BMPR1A: variants seen among roughly 807,000 people sequenced by gnomAD.
BMPR1A encodes the protein bone morphogenetic protein receptor type-1A.
A neutral mutation model predicts 66.0 loss-of-function variants in BMPR1A; 7 were observed. The ratio of observed to expected loss-of-function variants is 0.11; its 90% CI spans 0.06 to 0.20. The LOEUF is 0.20. BMPR1A is among the 10% of genes least tolerant of loss of function. BMPR1A has a pLI of 1.00. For missense variants in BMPR1A, 408 were observed against 669.1 expected, an observed-to-expected ratio of 0.61 and a Z score of 4.31; for synonymous variants, 200 against 229.7, an observed-to-expected ratio of 0.87 and a Z score of 1.17.
chr10:86,802,474 GATGT>G lies in BMPR1A; in HGVS notation c.-267-36389_-267-36386del, dbSNP rs1465481194. Among the ~76,000 whole-genome samples the G allele has an allele frequency of 6.6e-5, 10 of 152,254 alleles. No homozygotes were observed. The East Asian group carries it at 1.9e-3, about 29-fold the overall frequency. On this transcript the variant is annotated intron_variant, in intron 1 of 12. Transcript: ENST00000372037. ...CACATACAAATGCTTGAATGACTAT[GATGT>G]AAAGGAAAGGGAGAAGAAACTAAAA...
Position 86,900,033 on chromosome 10 carries a change from T to C in BMPR1A, c.437T>C (p.Phe146Ser), listed in dbSNP as rs587778112. Reference protein sequence around the residue: ...PTLPPVVIGPFFDGSIRWLVL... With the variant: ...PTLPPVVIGPSFDGSIRWLVL... ...TGTTTACTTTTATTGTCAGGTCCGT[T>C]TTTTGATGGCAGCATTCGATGGCTG... Residue 146 changes from phenylalanine (F) to serine (S), a missense_variant, in exon 7 of 13, where the codon TTT (phenylalanine) becomes TCT (serine). Phe to Ser is a radical substitution (Grantham distance 155). Coordinates refer to ENST00000372037, the MANE Select transcript of BMPR1A (RefSeq NM_004329.3). The C allele has an allele frequency of 6.8e-6, 11 of 1,614,194 alleles. No homozygotes were observed. In the Admixed American group the frequency reaches 1.8e-4, roughly 27 times the overall value.
intron 2 of BMPR1A, among the ~76,000 whole-genome samples, chr10:86,859,814 A>T (rs1398451394): frequency 1.3e-5 from 2 of 151,866 alleles, no homozygotes; most frequent in Non-Finnish European, 2.9e-5. Flanking sequence ...GTCTCAAAAA[A>T]CAAAAAGAAC....
intron 2 of BMPR1A, among the ~76,000 whole-genome samples, chr10:86,862,231 T>C (rs887550003): frequency 3.3e-5 from 5 of 152,140 alleles, no homozygotes; most frequent in Admixed American, 2.0e-4. Context: ...ATTACAGTTT[T>C]AAATAGGGTG....
chr10:86,829,245 C>T (rs1160760593), intron 1 of BMPR1A, among the ~76,000 whole-genome samples: 1 of 152,020 alleles, frequency 6.6e-6, no homozygotes, highest in Non-Finnish European at 1.5e-5. Context: ...TATACACTCA[C>T]ACCTACATAA....
chr10:86,915,352 G>A (rs369024257), intron 8 of BMPR1A, among the ~76,000 whole-genome samples: 3 of 152,088 alleles, frequency 2.0e-5, no homozygotes, highest in South Asian at 2.1e-4. Flanking sequence ...ATTTTTTTAC[G>A]TTATTAAAAT....
chr10:86,825,270 AG>A (rs1428897199), intron 1 of BMPR1A, among the ~76,000 whole-genome samples: 1 of 151,844 alleles, frequency 6.6e-6, no homozygotes. Flanking sequence ...CACCCAGCCA[AG>A]AAATCCCATT....
At chr10:86,853,012 AGATT>A (rs1468693389) in intron 2 of BMPR1A, among the ~76,000 whole-genome samples, 2 of 152,250 alleles carry the variant, frequency 1.3e-5, no homozygotes, top group South Asian at 2.1e-4. Flanking sequence ...ACTATTTGAA[AGATT>A]GATCAAGAAA....
At position 86,842,999 on chromosome 10, in the gene BMPR1A, C is replaced by T. The variant is rs182109490; in HGVS notation, c.-153+4020C>T. ...GGGTGGGGACACAGCCAAACCATATCGTTGGTGATATGAATGGTAGTTTGG... is the reference window on the plus strand; with the variant it reads ...GGGTGGGGACACAGCCAAACCATATTGTTGGTGATATGAATGGTAGTTTGG... On this transcript the variant is annotated intron_variant, in intron 2 of 12. Coordinates refer to ENST00000372037, the MANE Select transcript of BMPR1A (RefSeq NM_004329.3). 9.1e-4 allele frequency among the ~76,000 whole-genome samples: 138 copies of T among 152,132 alleles called. 1 individual carries two copies. The highest frequency in any genetic ancestry group is 3.1e-3 in the African/African-American group (130 of 41,516).
At chr10:86,778,563 C>T (rs1005687161) in intron 1 of BMPR1A, among the ~76,000 whole-genome samples, 11 of 152,108 alleles carry the variant, frequency 7.2e-5, no homozygotes, top group Non-Finnish European at 1.2e-4. Flanking sequence ...ATTAGCATAT[C>T]CATCATCTTA....
chr10:86,762,220 G>A (rs1841071151), intron 1 of BMPR1A, among the ~76,000 whole-genome samples: 2 of 152,164 alleles, frequency 1.3e-5, no homozygotes, highest in Admixed American at 6.5e-5. Context: ...CACTTTTGTG[G>A]TCTCATTTCA....
chr10:86,868,972 G>A (rs1842819651), intron 2 of BMPR1A, among the ~76,000 whole-genome samples: 1 of 152,038 alleles, frequency 6.6e-6, no homozygotes, highest in African/African-American at 2.4e-5. Flanking sequence ...TGCCCATTTC[G>A]TCTAACTATT....
chr10:86,841,868 G>A (rs916746904), intron 2 of BMPR1A, among the ~76,000 whole-genome samples: 10 of 152,138 alleles, frequency 6.6e-5, no homozygotes, highest in African/African-American at 1.9e-4. Context: ...CAGAATGAAC[G>A]TTCCATAAAA....
chr10:86,859,405 G>C (rs919554607), intron 2 of BMPR1A, among the ~76,000 whole-genome samples: 1 of 152,032 alleles, frequency 6.6e-6, no homozygotes, highest in Non-Finnish European at 1.5e-5. Flanking sequence ...CTGGGCTCAA[G>C]TGATCCTCCT....
rs546980488 is a variant in BMPR1A at position 86,848,036 on chromosome 10, A to G, written c.-153+9057A>G. On this transcript the variant is annotated intron_variant, in intron 2 of 12. Transcript: ENST00000372037. Reference sequence around the variant, plus strand: ...ACCCTTCGCCCCCCGGGTTCAAGCAATTCTCCTGCCTCAGCCTCCCAAGTA... The same window carrying G: ...ACCCTTCGCCCCCCGGGTTCAAGCAGTTCTCCTGCCTCAGCCTCCCAAGTA... Among the ~76,000 whole-genome samples, 418 of 151,784 alleles carry G rather than the reference A, an allele frequency of 2.8e-3. 1 individual carries two copies. The highest frequency in any genetic ancestry group is 6.8e-3 in the Middle Eastern group (2 of 294).
intron 1 of BMPR1A, among the ~76,000 whole-genome samples, chr10:86,762,427 G>C (rs1428152882): frequency 1.3e-5 from 2 of 151,364 alleles, no homozygotes; most frequent in Non-Finnish European, 3.0e-5. Context: ...GGTGCGATCT[G>C]GGCTCACTGC....
intron 2 of BMPR1A, among the ~76,000 whole-genome samples, chr10:86,847,375 G>T (rs1045351498): frequency 6.6e-6 from 1 of 151,874 alleles, no homozygotes; most frequent in Non-Finnish European, 1.5e-5. Flanking sequence ...CAGTCTCGGT[G>T]TCACAGATAC....
intron 2 of BMPR1A, among the ~76,000 whole-genome samples, chr10:86,860,823 C>T (rs1842703296): frequency 6.7e-6 from 1 of 150,080 alleles, no homozygotes; most frequent in African/African-American, 2.4e-5. Flanking sequence ...AATGTCAAAT[C>T]CATTTCATGC....
intron 2 of BMPR1A, among the ~76,000 whole-genome samples, chr10:86,850,441 C>T (rs1382191283): frequency 2.6e-5 from 4 of 151,942 alleles, no homozygotes; most frequent in East Asian, 1.9e-4. Flanking sequence ...ATTTAGTGTA[C>T]GCGCATGTCA....
At chr10:86,889,017 A>T (rs2133388785) in intron 3 of BMPR1A, among the ~76,000 whole-genome samples, 1 of 152,300 alleles carries the variant, frequency 6.6e-6, no homozygotes, top group South Asian at 2.1e-4. Context: ...CTTATTTAAC[A>T]TTCATAATGA....
Sources: gnomAD v4.1 joint callset for allele counts (sites outside exome capture counted in the v4.1 genomes callset) on GRCh38, gnomAD v4.1.1 for gene constraint, MANE v1.5 for transcripts, NCBI Gene and HGNC (gene_info 2026-07-23, HGNC 2026-07-21) for gene names.